The following ABCC4 variants were observed in gnomAD, a reference collection of about 807,000 sequenced individuals.
The protein encoded by ABCC4 is ATP-binding cassette sub-family C member 4.
ABCC4 carries 102 observed loss-of-function variants against 168.5 expected under a neutral mutation model. The observed-to-expected ratio is 0.61, with a 90% CI of 0.52 to 0.71. The LOEUF (loss-of-function observed/expected upper bound fraction) is 0.71, where lower values mean the gene tolerates loss of function less well. Ranked by LOEUF, ABCC4 falls within the 30% of genes least tolerant of loss-of-function variation. The pLI, the probability that ABCC4 is intolerant of heterozygous loss-of-function variation, is 0.00. For missense variants in ABCC4, 1,402 were observed against 1,605.8 expected (o/e 0.87, Z 2.17); for synonymous variants, 617 against 590.7 (o/e 1.04, Z -0.65).
At chr13:95,106,227 C>T (rs762086664) in intron 20 of ABCC4, among the ~76,000 whole-genome samples, 4 of 151,994 alleles carry the variant, frequency 2.6e-5, no homozygotes, top group Non-Finnish European at 5.9e-5. Context: ...CTATTACAGC[C>T]ACAAATGTTA....
chr13:95,201,073 C>T (rs138951630), intron 8 of ABCC4, among the ~76,000 whole-genome samples: 42 of 152,276 alleles, frequency 2.8e-4, no homozygotes, highest in Admixed American at 1.3e-4. Flanking sequence ...CACCCTCCCA[C>T]CAGAAACTAT....
At chr13:95,126,754 T>C (rs368471894) in intron 19 of ABCC4, among the ~76,000 whole-genome samples, 4 of 100,248 alleles carry the variant, frequency 4.0e-5, no homozygotes, top group Admixed American at 1.2e-4. Context: ...TATATATATA[T>C]TCCAAAATAT....
chr13:95,248,005 G>A (rs1311515317), intron 1 of ABCC4, among the ~76,000 whole-genome samples: 1 of 150,898 alleles, frequency 6.6e-6, no homozygotes, highest in African/African-American at 2.5e-5. Flanking sequence ...AGAGCATGCT[G>A]GTGCCCAGAT....
At chr13:95,036,225 A>G (rs2032113754) in intron 29 of ABCC4, among the ~76,000 whole-genome samples, 1 of 152,232 alleles carries the variant, frequency 6.6e-6, no homozygotes, top group African/African-American at 2.4e-5. Flanking sequence ...TAAGTGAACC[A>G]AATTACTTGC....
chr13:95,271,831 A>G lies in ABCC4; in HGVS notation c.75-24078T>C, dbSNP rs80117066. On this transcript the variant is annotated intron_variant, in intron 1 of 30. Transcript: ENST00000645237. Reference sequence around the variant, plus strand: ...CTGGGCCTTTAATCACCATTAGCCAACAGCCTGGAAAACAGACGGGACTCA... The same window carrying G: ...CTGGGCCTTTAATCACCATTAGCCAGCAGCCTGGAAAACAGACGGGACTCA... Among the ~76,000 whole-genome samples, 529 of 152,322 alleles carry G rather than the reference A, an allele frequency of 3.5e-3. 28 individuals are homozygous for G. The East Asian group carries it at 0.085, about 24-fold the overall frequency.
At chr13:95,251,316 G>A (rs1457406620) in intron 1 of ABCC4, among the ~76,000 whole-genome samples, 2 of 151,882 alleles carry the variant, frequency 1.3e-5, no homozygotes, top group African/African-American at 2.4e-5. Context: ...CTCCTTAAAG[G>A]CCCTTTCTAT....
intron 20 of ABCC4, among the ~76,000 whole-genome samples, chr13:95,093,530 A>G (rs888258438): frequency 1.2e-4 from 19 of 152,172 alleles, no homozygotes; most frequent in African/African-American, 4.6e-4. Context: ...ATCGGCATAC[A>G]AGAGACATAC....
Position 95,049,207 on chromosome 13 carries a change from G to A in ABCC4, c.3456+3888C>T, listed in dbSNP as rs1344852287. ...AAATTAGCCAGGCATGGTGGGGCTT[G>A]CCTTTAATCCTAGCTACCTGGGAGG... is the stretch of plus-strand genomic sequence containing the variant. On this transcript the variant is annotated intron_variant, in intron 27 of 30. Coordinates refer to ENST00000645237, the MANE Select transcript of ABCC4 (RefSeq NM_005845.5). Among the ~76,000 whole-genome samples the A allele has an allele frequency of 1.3e-5, 2 of 151,976 alleles. 1 individual carries two copies. Among genetic ancestry groups the A allele is most frequent in the East Asian group, 3.9e-4 (2 of 5,178 alleles).
At chr13:95,116,299 C>T (rs1380647051) in intron 19 of ABCC4, among the ~76,000 whole-genome samples, 1 of 152,032 alleles carries the variant, frequency 6.6e-6, no homozygotes, top group Admixed American at 6.6e-5. Flanking sequence ...TAGAATGTTC[C>T]CTCCTTTTAA....
chr13:95,234,953 C>CAATCCCAGCTCACAGCAGCCTCG (rs1373029777), intron 3 of ABCC4, 119 bp from the exon 4 acceptor site: 3 of 740,452 alleles, frequency 4.1e-6, no homozygotes, highest in Non-Finnish European at 4.3e-6. Context: ...TATAGTGGCA[C>CAATCCCAGCTCACAGCAGCCTCG]AATCCCAGCT....
intron 20 of ABCC4, among the ~76,000 whole-genome samples, chr13:95,101,279 T>C (rs994047043): frequency 6.6e-6 from 1 of 152,060 alleles, no homozygotes; most frequent in Admixed American, 6.5e-5. Flanking sequence ...GTGGCTCAAG[T>C]AGCCTCAGGA....
intron 19 of ABCC4, among the ~76,000 whole-genome samples, chr13:95,144,375 A>G (rs746448524): frequency 2.0e-5 from 3 of 151,946 alleles, no homozygotes; most frequent in Non-Finnish European, 2.9e-5. Flanking sequence ...CACTACACCT[A>G]TTCAATACTG....
chr13:95,021,909 C>T (rs1252055231), intron 30 of ABCC4, among the ~76,000 whole-genome samples: 1 of 152,122 alleles, frequency 6.6e-6, no homozygotes, highest in African/African-American at 2.4e-5. Context: ...CATTTTAGTT[C>T]CGATCACTCT....
chr13:95,084,643 T>C (rs2034198723), intron 20 of ABCC4, among the ~76,000 whole-genome samples: 1 of 152,226 alleles, frequency 6.6e-6, no homozygotes, highest in African/African-American at 2.4e-5. Context: ...ACAGGGTTTT[T>C]TTTTTAGCTT....
In ABCC4 at chr13:95,177,783, G is replaced by A; in HGVS notation, c.1651C>T (p.Gln551Ter). Residue 551 changes from glutamine (Q) to a stop codon, truncating the protein, a stop_gained, in exon 13 of 31, where the codon CAA becomes TAA. Coordinates refer to ENST00000645237, the MANE Select transcript of ABCC4 (RefSeq NM_005845.5). LOFTEE classifies it high-confidence loss of function. ...TCCAGGAGATAGATGTCAGCATCTTGATACACTGCTCTAGAAAATACAAAG... is the reference window on the plus strand; with the variant it reads ...TCCAGGAGATAGATGTCAGCATCTTAATACACTGCTCTAGAAAATACAAAG... ...ARVNLARAVY[Q>*]DADIYLLDDP... 1.9e-6 allele frequency: 3 copies of A among 1,610,326 alleles called. No individual in the cohort carries two copies. The highest frequency in any genetic ancestry group is 2.5e-6 in the Non-Finnish European group (3 of 1,176,934).
rs568681610 is a variant in ABCC4, at chr13:95,203,188, C to T, written c.1161+3344G>A. Among the ~76,000 whole-genome samples, 9 of 152,290 alleles carry T rather than the reference C, an allele frequency of 5.9e-5. No homozygotes were observed. The East Asian group carries it at 1.5e-3, about 26-fold the overall frequency. The stretch of plus-strand genomic sequence containing the variant: ...CCAGCTATTACCTGTTCATATAAAG[C>T]CCCATGGTCTTGATCTTAATCTTCA... On this transcript the variant is annotated intron_variant, in intron 8 of 30. Transcript: ENST00000645237.
intron 1 of ABCC4, among the ~76,000 whole-genome samples, chr13:95,296,330 A>AT (rs35701092): frequency 6.6e-6 from 1 of 151,748 alleles, no homozygotes; most frequent in African/African-American, 2.4e-5. Context: ...CAAGAAAAAT[A>AT]TTTTTTTTAT....
rs926406769 is a variant in ABCC4 at position 95,032,696 on chromosome 13, G to A, written c.3870+1909C>T. On this transcript the variant is annotated intron_variant, in intron 30 of 30. Transcript: ENST00000645237. ...TTTTTTTTTTTTGAGACGCAGTTTCGCTCTGTTGCCAGGCTGGAGTGCAGT... is the reference window on the plus strand; with the variant it reads ...TTTTTTTTTTTTGAGACGCAGTTTCACTCTGTTGCCAGGCTGGAGTGCAGT... Among the ~76,000 whole-genome samples, 8 of 150,634 alleles carry A rather than the reference G, an allele frequency of 5.3e-5. No individual in the cohort carries two copies. The East Asian group carries it at 7.8e-4, about 15-fold the overall frequency.
chr13:95,138,459 T>G (rs17268101), intron 19 of ABCC4, among the ~76,000 whole-genome samples: 6,774 of 152,112 alleles, frequency 0.045, 217 homozygotes, highest in Middle Eastern at 0.13. Flanking sequence ...CCACAAACAA[T>G]ATGGTGAAAT....
Sources: gnomAD v4.1 joint callset for allele counts (sites outside exome capture counted in the v4.1 genomes callset) on GRCh38, gnomAD v4.1.1 for gene constraint, MANE v1.5 for transcripts, NCBI Gene and HGNC (gene_info 2026-07-23, HGNC 2026-07-21) for gene names.